PDE10A: variants seen among roughly 807,000 people sequenced by gnomAD.
The protein encoded by PDE10A is phosphodiesterase 10A, also known as cAMP and cAMP-inhibited cGMP 3',5'-cyclic phosphodiesterase 10A.
Under a neutral mutation model 97.7 loss-of-function variants are expected in PDE10A, and 39 were observed. That is an observed-to-expected ratio of 0.40 (90% CI 0.31 to 0.52). The LOEUF (loss-of-function observed/expected upper bound fraction) is 0.52. Ranked by LOEUF, PDE10A falls within the 20% of genes least tolerant of loss-of-function variation. The pLI is 0.56. For missense variants in PDE10A, 731 were observed against 1,047.8 expected (o/e 0.70, Z 4.17); for synonymous variants, 371 against 376.8 (o/e 0.98, Z 0.18).
At chr6:165,846,323 T>A (rs1780417557) in intron 1 of PDE10A, among the ~76,000 whole-genome samples, 1 of 152,142 alleles carries the variant, frequency 6.6e-6, no homozygotes, top group Non-Finnish European at 1.5e-5. Flanking sequence ...TTCCACCCCC[T>A]CCATCGGAAG....
At chr6:165,653,835 C>T (rs1562661710) in intron 1 of PDE10A, among the ~76,000 whole-genome samples, 4 of 82,324 alleles carry the variant, frequency 4.9e-5, no homozygotes, top group Admixed American at 3.4e-4. Flanking sequence ...GGACTCAGTG[C>T]GTAAGGAAGA....
chr6:165,906,966 C>G (rs1250119194), intron 1 of PDE10A, among the ~76,000 whole-genome samples: 1 of 152,232 alleles, frequency 6.6e-6, no homozygotes, highest in Non-Finnish European at 1.5e-5. Flanking sequence ...CAAGTGCTCA[C>G]AGCCCTGTCC....
intron 5 of PDE10A, among the ~76,000 whole-genome samples, chr6:165,438,882 C>T (rs1790234899): frequency 6.6e-6 from 1 of 150,904 alleles, no homozygotes; most frequent in Non-Finnish European, 1.5e-5. Flanking sequence ...CACTTGAAGC[C>T]AGGAGTTTGA....
rs982680542 is a variant in PDE10A at position 165,416,415 on chromosome 6, C to T, written c.1797-134G>A. On this transcript the variant is annotated intron_variant, in intron 11 of 21. Transcript: ENST00000539869. Reference sequence around the variant, plus strand: ...AATGCGTGTATTACTTTTACGTTTACATATTCTAAATCACCTTATGAAGTA... The same window carrying T: ...AATGCGTGTATTACTTTTACGTTTATATATTCTAAATCACCTTATGAAGTA... 9.1e-6 allele frequency: 6 copies of T among 661,084 alleles called. No homozygotes were observed. The African/African-American group carries it at 1.1e-4, about 12-fold the overall frequency. The allele number at this position is 661,084 out of a possible 1,614,324, so 41.0% of individuals were successfully genotyped here. A position where few individuals can be genotyped will look rare whatever the true frequency, so the allele number is the denominator to read the frequency against.
At chr6:165,654,841 C>G (rs880121) in intron 1 of PDE10A, among the ~76,000 whole-genome samples, 70,403 of 152,040 alleles carry the variant, frequency 0.46, 17,249 homozygotes, top group Middle Eastern at 0.63. Context: ...GGCTTCTTCC[C>G]TCTTGAGGCT....
intron 3 of PDE10A, among the ~76,000 whole-genome samples, chr6:165,481,996 C>T (rs1310160376): frequency 6.6e-6 from 1 of 152,172 alleles, no homozygotes; most frequent in Non-Finnish European, 1.5e-5. Flanking sequence ...AGTTATCTTA[C>T]CTTCTGGTTC....
At chr6:165,656,097 A>G (rs1276005927) in intron 1 of PDE10A, among the ~76,000 whole-genome samples, 1 of 151,966 alleles carries the variant, frequency 6.6e-6, no homozygotes, top group African/African-American at 2.4e-5. Flanking sequence ...CTGCACCACC[A>G]GAGTGTGGGC....
intron 18 of PDE10A, among the ~76,000 whole-genome samples, chr6:165,347,849 A>C (rs2128184217): frequency 6.6e-6 from 1 of 152,320 alleles, no homozygotes; most frequent in African/African-American, 2.4e-5. Flanking sequence ...GCATATATAT[A>C]TATAAAAAAC....
intron 1 of PDE10A, among the ~76,000 whole-genome samples, chr6:165,806,042 T>TA (rs67104260): frequency 0.13 from 9,385 of 73,052 alleles, 888 homozygotes; most frequent in Non-Finnish European, 0.14. Flanking sequence ...GCTTGATTAT[T>TA]AAAAAAAAAA....
At chr6:165,799,014 A>C (rs1778906773) in intron 1 of PDE10A, among the ~76,000 whole-genome samples, 1 of 152,198 alleles carries the variant, frequency 6.6e-6, no homozygotes. Context: ...GGCCCCAATC[A>C]AATACTAAGA....
At chr6:165,515,712 C>T (rs1035521380) in intron 2 of PDE10A, among the ~76,000 whole-genome samples, 10 of 151,748 alleles carry the variant, frequency 6.6e-5, no homozygotes, top group African/African-American at 1.9e-4. Context: ...TTAGTAGAGA[C>T]GGGGATTCAC....
At chr6:165,694,288 G>A (rs1469359200) in intron 1 of PDE10A, among the ~76,000 whole-genome samples, 1 of 152,162 alleles carries the variant, frequency 6.6e-6, no homozygotes, top group Non-Finnish European at 1.5e-5. Flanking sequence ...AGGCCATTAT[G>A]CACCACGTTT....
intron 2 of PDE10A, among the ~76,000 whole-genome samples, chr6:165,485,751 CCTGA>C (rs766326854): frequency 6.6e-6 from 1 of 151,954 alleles, no homozygotes; most frequent in Non-Finnish European, 1.5e-5. Context: ...CGCCACCATG[CCTGA>C]CTAATTTTTT....
intron 1 of PDE10A, among the ~76,000 whole-genome samples, chr6:165,630,400 A>C (rs998169169): frequency 1.3e-5 from 2 of 152,176 alleles, no homozygotes; most frequent in African/African-American, 2.4e-5. Flanking sequence ...CCACACTTCA[A>C]ATTCCCTGAA....
chr6:165,722,157 A>G (rs949480713), intron 1 of PDE10A, among the ~76,000 whole-genome samples: 5 of 152,234 alleles, frequency 3.3e-5, no homozygotes, highest in Non-Finnish European at 5.9e-5. Flanking sequence ...TTACTGATAG[A>G]TAAACTTCAC....
intron 2 of PDE10A, among the ~76,000 whole-genome samples, chr6:165,486,489 C>G (rs1779929879): frequency 6.6e-6 from 1 of 152,142 alleles, no homozygotes; most frequent in Admixed American, 6.5e-5. Flanking sequence ...ACTGTGTCAT[C>G]CATAGAGAAA....
rs573257570 is a variant in PDE10A, at chr6:165,757,619, A to G, written c.-614-214051T>C. Reference sequence around the variant, plus strand: ...CTAATATGCATTTATTAACTAGTCCACTCAAATATACAAACTTCTTTTGTG... The same window carrying G: ...CTAATATGCATTTATTAACTAGTCCGCTCAAATATACAAACTTCTTTTGTG... On this transcript the variant is annotated intron_variant, in intron 1 of 19. Coordinates refer to the PDE10A transcript ENST00000366882. Among the ~76,000 whole-genome samples, 10 of 152,180 alleles carry G rather than the reference A, an allele frequency of 6.6e-5. No homozygotes were observed. In the South Asian group the frequency reaches 2.1e-3, roughly 32 times the overall value.
At chr6:165,780,248 A>G (rs1172612247) in intron 1 of PDE10A, 1 of 152,244 alleles carries the variant, frequency 6.6e-6, no homozygotes. Context: ...TTAATGTTCA[A>G]AAAGGCCAGT....
chr6:165,816,183 T>A (rs1348078626), intron 1 of PDE10A, among the ~76,000 whole-genome samples: 3 of 152,132 alleles, frequency 2.0e-5, no homozygotes, highest in African/African-American at 7.2e-5. Flanking sequence ...TCTCCTGACC[T>A]CGTGATCTGC....
Sources: allele counts gnomAD v4.1 joint callset (sites outside exome capture counted in the v4.1 genomes callset), GRCh38; gene constraint gnomAD v4.1.1; transcripts MANE v1.5; gene names NCBI Gene and HGNC (gene_info 2026-07-23, HGNC 2026-07-21).